Variants in HOXB3 observed in about 807,000 individuals in gnomAD.
HOXB3 encodes the protein homeobox B3.
A neutral mutation model predicts 29.2 loss-of-function variants in HOXB3; 17 were observed. The observed-to-expected ratio is 0.58, with a 90% CI of 0.40 to 0.87. The LOEUF (loss-of-function observed/expected upper bound fraction) is 0.87. Ranked by LOEUF, HOXB3 falls within the 40% of genes least tolerant of loss-of-function variation. HOXB3 has a pLI of 0.00. For missense variants in HOXB3, 637 were observed against 616.3 expected, an observed-to-expected ratio of 1.03 and a Z score of -0.35; for synonymous variants, 317 against 285.9, an observed-to-expected ratio of 1.11 and a Z score of -1.10.
intron 2 of HOXB3, among the ~76,000 whole-genome samples, chr17:48,562,913 G>T (rs2069247833): frequency 6.6e-6 from 1 of 152,200 alleles, no homozygotes; most frequent in South Asian, 2.1e-4. Flanking sequence ...CCTCCTGCAT[G>T]GCTCCCTTAC....
intron 3 of HOXB3, chr17:48,553,175 CT>C (rs2068834937): frequency 6.6e-6 from 1 of 151,910 alleles, no homozygotes; most frequent in Admixed American, 6.6e-5. Context: ...GTGAGGTATC[CT>C]CTCCACTTCC....
chr17:48,554,723 C>G lies in HOXB3; in HGVS notation c.-159+808G>C. 1.4e-6 allele frequency: 1 copy of G among 702,356 alleles called. No individual in the cohort carries two copies. The highest frequency in any genetic ancestry group is 2.6e-6 in the Non-Finnish European group (1 of 384,826). 43.5% of individuals were successfully genotyped at this position (702,356 alleles called of 1,614,324 possible). A position where few individuals can be genotyped will look rare whatever the true frequency, so the allele number is the denominator to read the frequency against. On this transcript the variant is annotated intron_variant, in intron 3 of 4. Transcript: ENST00000498678. This position sits in a 1 kb window ranked among gnomAD's most constrained non-coding sequence, Gnocchi z 4.1. The stretch of plus-strand genomic sequence containing the variant: ...CCCAGCACACCAGCCGGCCGAGGGC[C>G]GAGCCCCGCGGGCGGCAGCAAGTTT...
At chr17:48,584,320 C>T (rs1037109086) in intron 1 of HOXB3, among the ~76,000 whole-genome samples, 1 of 152,170 alleles carries the variant, frequency 6.6e-6, no homozygotes, top group Non-Finnish European at 1.5e-5. Context: ...TTTCAGTAGG[C>T]AAGTTCTTAA....
intron 2 of HOXB3, among the ~76,000 whole-genome samples, chr17:48,564,513 G>A (rs2069321971): frequency 6.6e-6 from 1 of 152,096 alleles, no homozygotes; most frequent in South Asian, 2.1e-4. Flanking sequence ...GCAGACGCCA[G>A]TTTCCTGAGA....
chr17:48,585,437 G>A (rs952678000), intron 1 of HOXB3, among the ~76,000 whole-genome samples: 2 of 152,226 alleles, frequency 1.3e-5, no homozygotes, highest in Admixed American at 6.5e-5. Context: ...TAGAGGGAGA[G>A]TTCAGTGTCC....
intron 3 of HOXB3, chr17:48,555,285 A>G: frequency 5.5e-6 from 3 of 548,324 alleles, no homozygotes; most frequent in Non-Finnish European, 9.7e-6. Flanking sequence ...AAGAAAAGAG[A>G]GAGAGGAGAA....
rs2068653872 is a variant in HOXB3 at position 48,550,025 on chromosome 17, C to T, written c.*309G>A. On this transcript the variant is annotated 3_prime_UTR_variant, in exon 5 of 5. Coordinates refer to ENST00000498678, the MANE Select transcript of HOXB3 (RefSeq NM_001384749.1). Reference sequence around the variant, plus strand: ...GCTTTTCTGCCTCGTCCTGTCTCGTCTTCCTCTACCCCACTCCCGGGCGTG... The same window carrying T: ...GCTTTTCTGCCTCGTCCTGTCTCGTTTTCCTCTACCCCACTCCCGGGCGTG... 3.0e-6 allele frequency: 1 copy of T among 330,908 alleles called. No homozygotes were observed. 20.5% of individuals were successfully genotyped at this position (330,908 alleles called of 1,614,324 possible). A position where few individuals can be genotyped will look rare whatever the true frequency, so the allele number is the denominator to read the frequency against.
At chr17:48,588,892 C>T (rs2070095283) in intron 1 of HOXB3, among the ~76,000 whole-genome samples, 1 of 152,178 alleles carries the variant, frequency 6.6e-6, no homozygotes, top group African/African-American at 2.4e-5. Context: ...CTTATGACCC[C>T]ATCCTTGTCC....
chr17:48,584,461 G>C (rs979798360), intron 1 of HOXB3, among the ~76,000 whole-genome samples: 1 of 152,320 alleles, frequency 6.6e-6, no homozygotes, highest in Admixed American at 6.5e-5. Flanking sequence ...TCTCCCAGGG[G>C]TGGAGGATTG....
intron 1 of HOXB3, chr17:48,576,509 T>TGG (rs3833172): frequency 8.5e-4 from 341 of 399,468 alleles, no homozygotes; most frequent in Middle Eastern, 1.9e-3. Flanking sequence ...ATCTTGCTTC[T>TGG]GGGGGGGCCT....
chr17:48,586,520 T>C (rs1222764904), intron 1 of HOXB3, among the ~76,000 whole-genome samples: 2 of 152,202 alleles, frequency 1.3e-5, no homozygotes, highest in African/African-American at 2.4e-5. Context: ...CCGGCGCTGC[T>C]GCCCCCGTCT....
intron 1 of HOXB3, chr17:48,579,551 C>G (rs2069879757): frequency 6.6e-6 from 1 of 152,406 alleles, no homozygotes. Flanking sequence ...ATAAAGCCTC[C>G]CTGAGCCCAG....
chr17:48,583,333 C>T (rs955125840), intron 1 of HOXB3, among the ~76,000 whole-genome samples: 5 of 152,182 alleles, frequency 3.3e-5, no homozygotes, highest in Non-Finnish European at 7.3e-5. Context: ...ACACTTTTGC[C>T]TACCCCCATC....
In HOXB3 at chr17:48,550,063, G is replaced by GGTA; in HGVS notation, c.*268_*270dup. On this transcript the variant is annotated 3_prime_UTR_variant, in exon 5 of 5. Transcript: ENST00000498678. The stretch of plus-strand genomic sequence containing the variant: ...ACTCCCGGGCGTGGAATTCCAACTT[G>GGTA]GTAGTGCTGGAGCCCTGGGGTTGAT... 2.4e-6 allele frequency: 1 copy of GGTA among 425,132 alleles called. No individual in the cohort carries two copies. Among genetic ancestry groups the GGTA allele is most frequent in the Non-Finnish European group, 4.2e-6 (1 of 236,400 alleles). The allele number at this position is 425,132 out of a possible 1,614,324, so 26.3% of individuals were successfully genotyped here. A position where few individuals can be genotyped will look rare whatever the true frequency, so the allele number is the denominator to read the frequency against.
chr17:48,558,999 AAGAGAC>A lies in HOXB3; in HGVS notation c.-246-3387_-246-3382del, dbSNP rs377492985. 1.7e-3 allele frequency among the ~76,000 whole-genome samples: 254 copies of A among 152,122 alleles called. 1 individual carries two copies. Among genetic ancestry groups the A allele is most frequent in the African/African-American group, 5.9e-3 (245 of 41,464 alleles). ...AAATTGAAAAAGAGGAAAATTGAGT[AAGAGAC>A]AGAGACACTAGCATAAACTAATGAA... On this transcript the variant is annotated intron_variant, in intron 2 of 4. Coordinates refer to ENST00000498678, the MANE Select transcript of HOXB3 (RefSeq NM_001384749.1).
In HOXB3 at chr17:48,549,162, T is replaced by A. The variant is rs1283277050; in HGVS notation, c.*1172A>T. 2 of 152,638 alleles carry A rather than the reference T, an allele frequency of 1.3e-5. No homozygotes were observed. Among genetic ancestry groups the A allele is most frequent in the African/African-American group, 4.8e-5 (2 of 41,460 alleles). The allele number at this position is 152,638 out of a possible 1,614,324, so 9.5% of individuals were successfully genotyped here. ...GAAACACAATGTCCTTTGTAACAGGTAAATACTAAAAAAGTACAATTTTTT... is the reference window on the plus strand; with the variant it reads ...GAAACACAATGTCCTTTGTAACAGGAAAATACTAAAAAAGTACAATTTTTT... On this transcript the variant is annotated 3_prime_UTR_variant, in exon 5 of 5. Coordinates refer to ENST00000498678, the MANE Select transcript of HOXB3 (RefSeq NM_001384749.1).
chr17:48,553,627 T>G (rs2068850189), intron 3 of HOXB3: 1 of 151,876 alleles, frequency 6.6e-6, no homozygotes, highest in Non-Finnish European at 1.5e-5. Context: ...AAAAAAAAAT[T>G]AACAAAGCAA....
At chr17:48,566,074 C>CA (rs2069377190) in intron 2 of HOXB3, among the ~76,000 whole-genome samples, 1 of 152,218 alleles carries the variant, frequency 6.6e-6, no homozygotes, top group Non-Finnish European at 1.5e-5. Context: ...GGGGAGAAGA[C>CA]AGAGTCAGCA....
rs924039086 is a variant in HOXB3, at chr17:48,552,537, C to T, written c.-63G>A. ...AAGGCCTGATACCCTCAGGACCGGA[C>T]ATTGGCAACCCTGGGGGTCACGTGA... On this transcript the variant is annotated 5_prime_UTR_variant, in exon 4 of 5. An upstream start codon of the reference 5' UTR is lost. Coordinates refer to ENST00000498678, the MANE Select transcript of HOXB3 (RefSeq NM_001384749.1). 6.2e-6 allele frequency: 8 copies of T among 1,293,524 alleles called. No homozygotes were observed. In the East Asian group the frequency reaches 9.6e-5, roughly 16 times the overall value. 80.1% of individuals were successfully genotyped at this position (1,293,524 alleles called of 1,614,324 possible).
Sources: gnomAD v4.1 joint callset for allele counts (sites outside exome capture counted in the v4.1 genomes callset) on GRCh38, gnomAD v4.1.1 for gene constraint, Gnocchi (gnomAD v3.1) non-coding constraint, MANE v1.5 for transcripts, NCBI Gene and HGNC (gene_info 2026-07-23, HGNC 2026-07-21) for gene names.